The following MYRIP variants were observed in gnomAD, a reference collection of about 807,000 sequenced individuals.
MYRIP encodes the protein rab effector MyRIP.
In MYRIP, 49 loss-of-function variants were observed where a neutral mutation model predicts 98.0. That is an observed-to-expected ratio of 0.50 (90% confidence interval 0.40 to 0.63). The LOEUF is 0.63. Ranked by LOEUF, MYRIP falls within the 30% of genes least tolerant of loss-of-function variation. MYRIP has a pLI of 0.00. For synonymous variants in MYRIP, 404 were observed against 409.5 expected (o/e 0.99, Z 0.16); for missense variants, 1,004 against 1,058.2 (o/e 0.95, Z 0.71).
chr3:40,084,999 T>C (rs183898333), intron 3 of MYRIP, among the ~76,000 whole-genome samples: 1 of 151,050 alleles, frequency 6.6e-6, no homozygotes, highest in East Asian at 2.0e-4. Context: ...TATATATCTG[T>C]GTTATATATC....
chr3:40,100,227 G>A (rs1179098269), intron 3 of MYRIP: 2 of 985,242 alleles, frequency 2.0e-6, no homozygotes, highest in South Asian at 9.4e-5. Context: ...GAAGAGCTTG[G>A]CAGAAAGAAA....
At chr3:40,055,654 C>G (rs1341070636) in intron 3 of MYRIP, among the ~76,000 whole-genome samples, 1 of 152,216 alleles carries the variant, frequency 6.6e-6, no homozygotes, top group Non-Finnish European at 1.5e-5. Context: ...ACAGGCCTTA[C>G]AACAGATAAT....
At chr3:39,967,875 T>C (rs986682127) in intron 2 of MYRIP, among the ~76,000 whole-genome samples, 2 of 152,152 alleles carry the variant, frequency 1.3e-5, no homozygotes, top group African/African-American at 2.4e-5. Context: ...GGCCACACGT[T>C]ATGTCTTCTT....
chr3:39,862,401 C>T (rs980928723), intron 1 of MYRIP, among the ~76,000 whole-genome samples: 8 of 152,144 alleles, frequency 5.3e-5, no homozygotes, highest in African/African-American at 1.4e-4. Context: ...ATGCATAGAC[C>T]AGTCACACTA....
chr3:39,854,280 A>G lies in MYRIP; in HGVS notation c.-31+44364A>G, dbSNP rs118116573. On this transcript the variant is annotated intron_variant, in intron 1 of 16. Transcript: ENST00000302541. ...TTTCTTTTCTTCATTAGGAATACCA[A>G]TTATTCTTAGGTTTGGTCTTTTAGC... Among the ~76,000 whole-genome samples the G allele has an allele frequency of 7.1e-4, 108 of 152,212 alleles. No homozygotes were observed. The East Asian group carries it at 0.016, about 22-fold the overall frequency.
At chr3:39,816,447 T>C (rs992168586) in intron 1 of MYRIP, among the ~76,000 whole-genome samples, 7 of 152,248 alleles carry the variant, frequency 4.6e-5, no homozygotes, top group Admixed American at 1.3e-4. Context: ...TAGGTATTTT[T>C]CTTTCTTCTC....
intron 3 of MYRIP, among the ~76,000 whole-genome samples, chr3:40,084,624 A>G (rs571049672): frequency 6.7e-6 from 1 of 148,842 alleles, no homozygotes; most frequent in East Asian, 2.1e-4. Flanking sequence ...TAGATAATAC[A>G]CATCTATGTA....
chr3:39,891,175 G>A (rs917004818), intron 1 of MYRIP, among the ~76,000 whole-genome samples: 2 of 151,932 alleles, frequency 1.3e-5, no homozygotes, highest in East Asian at 3.9e-4. Flanking sequence ...GTTCAAACAA[G>A]AAATCAGCCT....
intron 2 of MYRIP, among the ~76,000 whole-genome samples, chr3:40,020,690 G>A (rs757323224): frequency 4.6e-5 from 7 of 152,178 alleles, no homozygotes; most frequent in South Asian, 2.1e-4. Flanking sequence ...AGAACTGTAC[G>A]TGTAGCAAAT....
chr3:39,999,677 T>C (rs1490031383), intron 2 of MYRIP, among the ~76,000 whole-genome samples: 1 of 152,184 alleles, frequency 6.6e-6, no homozygotes, highest in African/African-American at 2.4e-5. Flanking sequence ...CATTACTGGG[T>C]ATATACCTAA....
At chr3:39,826,475 CTTA>C (rs1247569928) in intron 1 of MYRIP, among the ~76,000 whole-genome samples, 6 of 151,978 alleles carry the variant, frequency 3.9e-5, no homozygotes, top group African/African-American at 7.2e-5. Flanking sequence ...TTTGAATATT[CTTA>C]TTATTAATTT....
At chr3:39,837,204 A>C (rs1941654033) in intron 1 of MYRIP, among the ~76,000 whole-genome samples, 1 of 152,114 alleles carries the variant, frequency 6.6e-6, no homozygotes, top group Non-Finnish European at 1.5e-5. Flanking sequence ...TGCTGTCCAG[A>C]AGCTCTTTAG....
chr3:40,051,010 A>G (rs1392447068), intron 3 of MYRIP, among the ~76,000 whole-genome samples: 5 of 152,194 alleles, frequency 3.3e-5, no homozygotes, highest in African/African-American at 9.7e-5. Flanking sequence ...TTGAAATGGA[A>G]TCTACTCCTG....
At chr3:39,820,128 G>A (rs1941060747) in intron 1 of MYRIP, among the ~76,000 whole-genome samples, 1 of 152,190 alleles carries the variant, frequency 6.6e-6, no homozygotes, top group Admixed American at 6.5e-5. Flanking sequence ...CAGGAAGGAT[G>A]AGTGCCTGGA....
intron 5 of MYRIP, among the ~76,000 whole-genome samples, chr3:40,165,150 G>A (rs1487375145): frequency 2.0e-5 from 3 of 152,238 alleles, no homozygotes; most frequent in East Asian, 1.9e-4. Flanking sequence ...AACTTATATC[G>A]CATAGGCTCT....
intron 1 of MYRIP, among the ~76,000 whole-genome samples, chr3:39,844,023 A>G (rs1274780637): frequency 6.6e-6 from 1 of 152,186 alleles, no homozygotes; most frequent in Non-Finnish European, 1.5e-5. Context: ...CACAGATGTC[A>G]TCTTGTCTAC....
At chr3:39,984,339 T>C (rs912086136) in intron 2 of MYRIP, among the ~76,000 whole-genome samples, 2 of 152,256 alleles carry the variant, frequency 1.3e-5, no homozygotes, top group Admixed American at 6.5e-5. Flanking sequence ...ACTCGTCATC[T>C]AGCATTAGGT....
chr3:39,918,670 C>T (rs1360044715), intron 2 of MYRIP, among the ~76,000 whole-genome samples: 1 of 152,132 alleles, frequency 6.6e-6, no homozygotes, highest in Admixed American at 6.5e-5. Flanking sequence ...GCATGAAAGT[C>T]TTATGAAGAT....
intron 10 of MYRIP, among the ~76,000 whole-genome samples, chr3:40,201,886 C>G (rs992699391): frequency 1.3e-5 from 2 of 152,128 alleles, no homozygotes; most frequent in Non-Finnish European, 2.9e-5. Flanking sequence ...AAACTTCTAC[C>G]TTTAGACACC....
Sources: gnomAD v4.1 joint callset for allele counts (sites outside exome capture counted in the v4.1 genomes callset) on GRCh38, gnomAD v4.1.1 for gene constraint, MANE v1.5 for transcripts, NCBI Gene and HGNC (gene_info 2026-07-23, HGNC 2026-07-21) for gene names.